The following MTA3 variants were observed in gnomAD, a reference collection of about 807,000 sequenced individuals.
MTA3 encodes the protein metastasis-associated protein MTA3.
In MTA3, 34 loss-of-function variants were observed where a neutral mutation model predicts 83.5. The ratio of observed to expected loss-of-function variants is 0.41; its 90% CI spans 0.31 to 0.54. The LOEUF (loss-of-function observed/expected upper bound fraction) is 0.54. Among genes scored for constraint, MTA3 ranks in the 20% least tolerant of loss-of-function variants. The probability of loss-of-function intolerance (pLI) is 0.33; values close to 1 mark genes in which losing one functional copy is unlikely to be tolerated. For missense variants in MTA3, 761 were observed against 726.4 expected (o/e 1.05, Z -0.55); for synonymous variants, 303 against 252.7 (o/e 1.20, Z -1.89).
At chr2:42,736,013 T>C (rs1668584518) in intron 16 of MTA3, among the ~76,000 whole-genome samples, 1 of 152,316 alleles carries the variant, frequency 6.6e-6, no homozygotes, top group South Asian at 2.1e-4. Context: ...CTTCAGTGTC[T>C]GGGCATTGAA....
In MTA3 at chr2:42,610,916, C is replaced by G. The variant is rs184143172; in HGVS notation, c.317+1332C>G. Among the ~76,000 whole-genome samples the G allele has an allele frequency of 3.3e-5, 5 of 151,788 alleles. No homozygotes were observed. In the East Asian group the frequency reaches 7.7e-4, roughly 23 times the overall value. ...GTATTTCTATTTCTTTTGTCCACCT[C>G]TGCTGGTCATAATGGTCCTTAAAAA... On this transcript the variant is annotated intron_variant, in intron 4 of 16. Transcript: ENST00000405094.
rs915924745 is a variant in MTA3, at chr2:42,754,780, C to T, written c.*1381C>T. The T allele has an allele frequency of 3.0e-6, 3 of 985,494 alleles. No homozygotes were observed. The highest frequency in any genetic ancestry group is 3.6e-6 in the Non-Finnish European group (3 of 829,954). The allele number at this position is 985,494 out of a possible 1,614,324, so 61.0% of individuals were successfully genotyped here. On this transcript the variant is annotated 3_prime_UTR_variant, in exon 17 of 17. Coordinates refer to ENST00000405094, the MANE Select transcript of MTA3 (RefSeq NM_001330442.2). ...GAGTGGCTACAATTGAATTGACACC[C>T]TGGGAAGCACGAGGTAACTTGGTAA...
chr2:42,665,412 A>G (rs1308318239), intron 8 of MTA3, among the ~76,000 whole-genome samples: 2 of 146,510 alleles, frequency 1.4e-5, no homozygotes. Context: ...AGAAAGAAAA[A>G]GTAGGTTTAC....
intron 3 of MTA3, among the ~76,000 whole-genome samples, chr2:42,606,185 C>A (rs1187714872): frequency 1.6e-5 from 1 of 62,814 alleles, no homozygotes; most frequent in Non-Finnish European, 2.9e-5. Context: ...GGCGGCTGGC[C>A]GGGCGGGGGG....
intron 4 of MTA3, among the ~76,000 whole-genome samples, chr2:42,612,306 C>G (rs938745939): frequency 6.6e-6 from 1 of 152,102 alleles, no homozygotes; most frequent in Non-Finnish European, 1.5e-5. Context: ...CCTTAAACTC[C>G]TGGGCTCAAG....
At chr2:42,644,354 T>C (rs1474842297) in intron 6 of MTA3, 110 bp downstream of exon 6, 7 of 612,186 alleles carry the variant, frequency 1.1e-5, no homozygotes, top group Non-Finnish European at 1.4e-5. Context: ...CTAAAAGTTA[T>C]AAGCACTTGC....
At chr2:42,663,127 C>T (rs577288050) in intron 8 of MTA3, among the ~76,000 whole-genome samples, 1 of 152,218 alleles carries the variant, frequency 6.6e-6, no homozygotes, top group African/African-American at 2.4e-5. Flanking sequence ...GTAACCAGTC[C>T]CTTGTAGTTT....
At chr2:42,597,170 C>G (rs10188263) in intron 3 of MTA3, among the ~76,000 whole-genome samples, 113,252 of 151,674 alleles carry the variant, frequency 0.75, 42,563 homozygotes, top group South Asian at 0.88. Context: ...CCTCGGCCTA[C>G]CAAAGAATTG....
At chr2:42,630,310 C>T (rs1686549810) in intron 4 of MTA3, among the ~76,000 whole-genome samples, 2 of 152,134 alleles carry the variant, frequency 1.3e-5, no homozygotes, top group African/African-American at 2.4e-5. Context: ...TTCTTGTCAA[C>T]CTTGTGGGGA....
intron 3 of MTA3, among the ~76,000 whole-genome samples, chr2:42,580,721 G>A (rs551807901): frequency 1.3e-5 from 2 of 151,968 alleles, no homozygotes; most frequent in Non-Finnish European, 1.5e-5. Flanking sequence ...TCCGCCTCCC[G>A]AGTAGCTGGG....
At chr2:42,567,168 A>G (rs1225064538), upstream of MTA3, among the ~76,000 whole-genome samples, 1 of 152,158 alleles carries the variant, frequency 6.6e-6, no homozygotes, top group African/African-American at 2.4e-5. Context: ...GACACCTGTT[A>G]TTTGCATGGT....
chr2:42,756,749 C>A lies in MTA3; in HGVS notation c.*3350C>A. ...AGGCCATGTCCCAGTTTTCTGTCCA[C>A]CCCTCCTGTTCCTCTGCACTATGTC... On this transcript the variant is annotated 3_prime_UTR_variant, in exon 17 of 17. Transcript: ENST00000405094. 1.0e-6 allele frequency: 1 copy of A among 985,496 alleles called. No individual in the cohort carries two copies. Among genetic ancestry groups the A allele is most frequent in the Non-Finnish European group, 1.2e-6 (1 of 829,964 alleles). The allele number at this position is 985,496 out of a possible 1,614,324, so 61.0% of individuals were successfully genotyped here.
At chr2:42,722,747 C>A in intron 15 of MTA3, 142 bp from the exon 16 acceptor site, 1 of 937,080 alleles carries the variant, frequency 1.1e-6, no homozygotes, top group Non-Finnish European at 1.6e-6. Flanking sequence ...GAAGCTGACT[C>A]ATTATGCAAG....
chr2:42,545,361 G>C (rs994266787), intron 2 of MTA3, among the ~76,000 whole-genome samples: 1 of 152,036 alleles, frequency 6.6e-6, no homozygotes, highest in African/African-American at 2.4e-5. Context: ...CTGAGCGACA[G>C]AGAGAAACCT....
At chr2:42,548,760 C>T (rs1676875693) in intron 2 of MTA3, among the ~76,000 whole-genome samples, 2 of 130,626 alleles carry the variant, frequency 1.5e-5, no homozygotes, top group African/African-American at 6.0e-5. Context: ...CTGTGATTGC[C>T]CCATGGCACT....
At chr2:42,710,592 C>T (rs1422557778) in intron 14 of MTA3, among the ~76,000 whole-genome samples, 1 of 147,474 alleles carries the variant, frequency 6.8e-6, no homozygotes, top group Non-Finnish European at 1.5e-5. Flanking sequence ...GTAGCAATGT[C>T]AGAGTCCCAC....
intron 8 of MTA3, among the ~76,000 whole-genome samples, chr2:42,662,947 T>C (rs10203855): frequency 0.74 from 112,095 of 151,850 alleles, 41,635 homozygotes; most frequent in South Asian, 0.88. Flanking sequence ...GTCAGGCTGG[T>C]CTCGAATTCC....
At chr2:42,676,480 T>G (rs574348534) in intron 8 of MTA3, among the ~76,000 whole-genome samples, 1 of 152,310 alleles carries the variant, frequency 6.6e-6, no homozygotes. Context: ...TAAAAATTTC[T>G]TTTGGCTAGA....
intron 16 of MTA3, among the ~76,000 whole-genome samples, chr2:42,735,195 T>C (rs1383889045): frequency 2.6e-5 from 4 of 152,212 alleles, no homozygotes; most frequent in Non-Finnish European, 1.5e-5. Context: ...GGAAAATCTT[T>C]ATTACTCCTT....
Sources: gnomAD v4.1 joint callset for allele counts (sites outside exome capture counted in the v4.1 genomes callset) on GRCh38, gnomAD v4.1.1 for gene constraint, MANE v1.5 for transcripts, NCBI Gene and HGNC (gene_info 2026-07-23, HGNC 2026-07-21) for gene names.